The following SRGAP1 variants were observed in gnomAD, a reference collection of about 807,000 sequenced individuals.
SRGAP1 encodes the protein SLIT-ROBO Rho GTPase-activating protein 1.
SRGAP1 carries 43 observed loss-of-function variants against 121.9 expected under a neutral mutation model. That is an observed-to-expected ratio of 0.35 (90% confidence interval 0.28 to 0.46). The LOEUF (loss-of-function observed/expected upper bound fraction) is 0.46, where lower values mean the gene tolerates loss of function less well. Ranked by LOEUF, SRGAP1 falls within the 20% of genes least tolerant of loss-of-function variation. The pLI, the probability that SRGAP1 is intolerant of heterozygous loss-of-function variation, is 1.00. For missense variants in SRGAP1, 1,102 were observed against 1,350.9 expected (o/e 0.82, Z 2.89); for synonymous variants, 447 against 485.4 (o/e 0.92, Z 1.04).
At chr12:63,865,035 A>C (rs896488297) in intron 1 of SRGAP1, among the ~76,000 whole-genome samples, 2 of 152,216 alleles carry the variant, frequency 1.3e-5, no homozygotes, top group African/African-American at 4.8e-5. Flanking sequence ...CATTGGTGCA[A>C]AAGTGCAATT....
chr12:64,044,216 C>G (rs2035080120), intron 6 of SRGAP1, among the ~76,000 whole-genome samples: 1 of 152,156 alleles, frequency 6.6e-6, no homozygotes, highest in African/African-American at 2.4e-5. Flanking sequence ...TATTCCCCAA[C>G]TTTAACCCTC....
chr12:63,907,426 T>C (rs2030266996), intron 1 of SRGAP1, among the ~76,000 whole-genome samples: 1 of 151,854 alleles, frequency 6.6e-6, no homozygotes, highest in Non-Finnish European at 1.5e-5. Context: ...TAATCCCAGC[T>C]ACTAGGGAGG....
chr12:64,022,930 G>A (rs562117642), intron 4 of SRGAP1, among the ~76,000 whole-genome samples: 1 of 152,076 alleles, frequency 6.6e-6, no homozygotes, highest in Non-Finnish European at 1.5e-5. Flanking sequence ...AATATGGGAG[G>A]TGTAAGAGGT....
chr12:64,110,072 A>T (rs2136613987), intron 16 of SRGAP1, among the ~76,000 whole-genome samples: 1 of 152,288 alleles, frequency 6.6e-6, no homozygotes, highest in South Asian at 2.1e-4. Flanking sequence ...CTAGAGAGTT[A>T]AGTTTAAACT....
chr12:63,869,374 G>T (rs1899771392), intron 1 of SRGAP1, among the ~76,000 whole-genome samples: 1 of 152,166 alleles, frequency 6.6e-6, no homozygotes, highest in African/African-American at 2.4e-5. Context: ...ATCACCTCTT[G>T]AAAGTCCCAC....
Position 64,085,452 on chromosome 12 carries a change from A to G in SRGAP1, c.1409-1547A>G, listed in dbSNP as rs1257427727. On this transcript the variant is annotated intron_variant, in intron 10 of 21. Coordinates refer to ENST00000355086, the MANE Select transcript of SRGAP1 (RefSeq NM_020762.4). The stretch of plus-strand genomic sequence containing the variant: ...CTACCCTCAACCCTTTGCACATTCT[A>G]CTGCCTCACACTGGGTGATCTTACG... 1.7e-4 allele frequency among the ~76,000 whole-genome samples: 26 copies of G among 152,168 alleles called. No homozygotes were observed. In the East Asian group the frequency reaches 1.7e-3, roughly 10 times the overall value.
intron 10 of SRGAP1, among the ~76,000 whole-genome samples, chr12:64,085,778 T>TTATAACTTA (rs1321291567): frequency 6.6e-6 from 1 of 152,188 alleles, no homozygotes; most frequent in East Asian, 1.9e-4. Flanking sequence ...GACTTATAAC[T>TTATAACTTA]TAAATAAGTA....
chr12:64,048,587 C>T (rs1486141218), intron 6 of SRGAP1, among the ~76,000 whole-genome samples: 3 of 152,164 alleles, frequency 2.0e-5, no homozygotes, highest in Admixed American at 1.3e-4. Flanking sequence ...TACTGTTCTC[C>T]ATAGTGGCTG....
intron 6 of SRGAP1, among the ~76,000 whole-genome samples, chr12:64,060,446 A>G (rs2035430274): frequency 6.6e-6 from 1 of 152,064 alleles, no homozygotes; most frequent in Non-Finnish European, 1.5e-5. Context: ...GGGCTCAAGC[A>G]GTCCTCCCAC....
intron 1 of SRGAP1, among the ~76,000 whole-genome samples, chr12:63,845,153 A>C (rs1261230471): frequency 6.6e-6 from 1 of 152,164 alleles, no homozygotes. Flanking sequence ...GCTTTAACTT[A>C]ACCACCTTCA....
chr12:64,087,708 C>T (rs763265473), intron 11 of SRGAP1, among the ~76,000 whole-genome samples: 1 of 151,882 alleles, frequency 6.6e-6, no homozygotes, highest in Non-Finnish European at 1.5e-5. Flanking sequence ...CACACTCCAG[C>T]CTGGGCAAGA....
intron 1 of SRGAP1, among the ~76,000 whole-genome samples, chr12:63,947,969 GC>G (rs1382064564): frequency 6.6e-6 from 1 of 151,718 alleles, no homozygotes; most frequent in Non-Finnish European, 1.5e-5. Context: ...TTCTATTCTT[GC>G]TTTGCTAACA....
intron 1 of SRGAP1, chr12:63,887,719 T>TAA (rs1900438045): frequency 6.6e-6 from 1 of 152,258 alleles, no homozygotes; most frequent in Non-Finnish European, 1.5e-5. Flanking sequence ...GGGAATCATG[T>TAA]GCTGTTAGTT....
rs1210874577 is a variant in SRGAP1 at position 64,090,200 on chromosome 12, C to T, written c.1437-1076C>T. Among the ~76,000 whole-genome samples the T allele has an allele frequency of 2.0e-5, 3 of 152,142 alleles. No individual in the cohort carries two copies. In the South Asian group the frequency reaches 6.2e-4, roughly 32 times the overall value. ...CTAAAGGGAGAGAGCAGAAGAGGTT[C>T]CCTCTCTGCAGTCACAGGGCAAGAT... On this transcript the variant is annotated intron_variant, in intron 11 of 21. Transcript: ENST00000355086.
chr12:64,029,565 G>A (rs1413537963), intron 4 of SRGAP1, among the ~76,000 whole-genome samples: 1 of 152,164 alleles, frequency 6.6e-6, no homozygotes, highest in Non-Finnish European at 1.5e-5. Flanking sequence ...TGAATTTAGT[G>A]ATAAAGGATG....
chr12:63,949,899 C>G (rs779423149), intron 1 of SRGAP1, among the ~76,000 whole-genome samples: 68 of 152,102 alleles, frequency 4.5e-4, no homozygotes, highest in Non-Finnish European at 7.3e-4. Flanking sequence ...CACAAAAATT[C>G]CCTTCCCTGA....
chr12:63,970,603 T>C (rs2032918398), intron 1 of SRGAP1, among the ~76,000 whole-genome samples: 1 of 152,148 alleles, frequency 6.6e-6, no homozygotes, highest in African/African-American at 2.4e-5. Flanking sequence ...GATCAGTGTT[T>C]AAAATAATTG....
chr12:63,898,152 A>T lies in SRGAP1; in HGVS notation c.67+53269A>T, dbSNP rs539502900. Among the ~76,000 whole-genome samples, 6 of 152,360 alleles carry T rather than the reference A, an allele frequency of 3.9e-5. No homozygotes were observed. The East Asian group carries it at 7.7e-4, about 20-fold the overall frequency. ...CTAATGTTGGTCTTTCAAAGCACAC[A>T]AAATGAAAAGCTGTGAGCATGACGC... On this transcript the variant is annotated intron_variant, in intron 1 of 21. Coordinates refer to ENST00000355086, the MANE Select transcript of SRGAP1 (RefSeq NM_020762.4).
At chr12:63,848,153 G>A (rs1350254105) in intron 1 of SRGAP1, among the ~76,000 whole-genome samples, 2 of 151,614 alleles carry the variant, frequency 1.3e-5, no homozygotes, top group Admixed American at 6.6e-5. Context: ...TTATATACAC[G>A]CACCACCACG....
Sources: gnomAD v4.1 joint callset for allele counts (sites outside exome capture counted in the v4.1 genomes callset) on GRCh38, gnomAD v4.1.1 for gene constraint, MANE v1.5 for transcripts, NCBI Gene and HGNC (gene_info 2026-07-23, HGNC 2026-07-21) for gene names.